The following PAQR9 variants were observed in gnomAD, a reference collection of about 807,000 sequenced individuals.
The protein encoded by PAQR9 is membrane progestin receptor epsilon.
Under a neutral mutation model 24.0 loss-of-function variants are expected in PAQR9, and 12 were observed. The ratio of observed to expected loss-of-function variants is 0.50; its 90% CI spans 0.32 to 0.81. The LOEUF (loss-of-function observed/expected upper bound fraction) is 0.81. Ranked by LOEUF, PAQR9 falls within the 30% of genes least tolerant of loss-of-function variation. The pLI is 0.03. For synonymous variants in PAQR9, 266 were observed against 237.6 expected, an observed-to-expected ratio of 1.12 and a Z score of -1.10; for missense variants, 418 against 520.8, an observed-to-expected ratio of 0.80 and a Z score of 1.92.
rs1934880015 is a variant in PAQR9, at chr3:142,961,009, A to G, written c.*1194T>C. 1 of 152,258 alleles carries G rather than the reference A, an allele frequency of 6.6e-6. No homozygotes were observed. 9.4% of individuals were successfully genotyped at this position (152,258 alleles called of 1,614,324 possible). A position where few individuals can be genotyped will look rare whatever the true frequency, so the allele number is the denominator to read the frequency against. On this transcript the variant is annotated 3_prime_UTR_variant, in exon 1 of 1. Coordinates refer to ENST00000340634, the MANE Select transcript of PAQR9 (RefSeq NM_198504.4). ...AGTCTAGAACTTCTCCCATGGCTGC[A>G]TTAGAAACACATCTACATTAGAGGG...
Position 142,963,211 on chromosome 3 carries a change from C to G in PAQR9, c.126G>C (p.Lys42Asn), listed in dbSNP as rs1243918790. Residue 42 changes from lysine (K) to asparagine (N), a missense_variant, in exon 1 of 1, where the codon AAG becomes AAC. Lys to Asn is a moderately conservative substitution (Grantham distance 94). Transcript: ENST00000340634. ...GCACCTCGTCCCAGCGCAGCAGCGG[C>G]TTGGCAGACGCTGGGGGGTCCCGGG... ...AASRDPPASAKPLLRWDEVPD... is the reference protein window; with the variant it reads ...AASRDPPASANPLLRWDEVPD... 1.9e-6 allele frequency: 3 copies of G among 1,568,336 alleles called. No homozygotes were observed. The highest frequency in any genetic ancestry group is 2.6e-6 in the Non-Finnish European group (3 of 1,157,496).
downstream of PAQR9, chr3:142,951,837 G>A: frequency 4.4e-6 from 2 of 452,600 alleles, no homozygotes; most frequent in South Asian, 1.6e-5. Flanking sequence ...AGTCACACAG[G>A]CCAAAGGAAG....
In PAQR9 at chr3:142,962,352, C is replaced by G; in HGVS notation, c.985G>C (p.Val329Leu). The change falls in exon 1 of 1, where the codon GTA becomes CTA. Residue 329 changes from valine (V) to leucine (L), a missense_variant. Val to Leu is a conservative substitution (Grantham distance 32). Around this residue, in one of 3 missense-constraint regions of PAQR9, gnomAD observed 230 missense variants for 305.2 expected, o/e 0.75. Transcript: ENST00000340634. ...FLSIYDQVYY[V>L]EEGLRQFLQA... is the part of the protein sequence containing the mutation. The stretch of plus-strand genomic sequence containing the variant: ...AGGAACTGGCGCAGGCCCTCTTCTA[C>G]GTAGTACACCTGGTCGTAGATGCTG... 1.9e-6 allele frequency: 3 copies of G among 1,614,098 alleles called. No homozygotes were observed. The highest frequency in any genetic ancestry group is 2.5e-6 in the Non-Finnish European group (3 of 1,180,026).
rs1560158365 is a variant in PAQR9 at position 142,956,565 on chromosome 3, C to T, written c.*5638G>A. 6.6e-6 allele frequency among the ~76,000 whole-genome samples: 1 copy of T among 152,198 alleles called. No homozygotes were observed. ...GCTCAAAGAGCAGGCTGTTTTTCCA[C>T]TGAGCTAAATAGTAAATAAGTGTGC... On this transcript the variant is annotated 3_prime_UTR_variant, in exon 1 of 1. Transcript: ENST00000340634.
Position 142,963,663 on chromosome 3 carries a change from G to T in PAQR9, c.-327C>A. On this transcript the variant is annotated 5_prime_UTR_variant, in exon 1 of 1. Transcript: ENST00000340634. The stretch of plus-strand genomic sequence containing the variant: ...CGCGGCTGACTGCGGCGGCAGCGCG[G>T]CAGCGGTGACTGGGCATCGCGCGGT... 1.6e-6 allele frequency: 1 copy of T among 627,712 alleles called. No homozygotes were observed. The highest frequency in any genetic ancestry group is 2.0e-6 in the Non-Finnish European group (1 of 505,248). 38.9% of individuals were successfully genotyped at this position (627,712 alleles called of 1,614,324 possible).
chr3:142,950,755 A>G (rs1309819016), downstream of PAQR9, among the ~76,000 whole-genome samples: 2 of 152,202 alleles, frequency 1.3e-5, no homozygotes, highest in African/African-American at 4.8e-5. Flanking sequence ...AGTAGGAAGG[A>G]TTATTCCTCA....
chr3:142,959,251 T>C lies in PAQR9; in HGVS notation c.*2952A>G, dbSNP rs1934847594. Among the ~76,000 whole-genome samples the C allele has an allele frequency of 6.6e-6, 1 of 152,218 alleles. No homozygotes were observed. Among genetic ancestry groups the C allele is most frequent in the South Asian group, 2.1e-4 (1 of 4,828 alleles). On this transcript the variant is annotated 3_prime_UTR_variant, in exon 1 of 1. Transcript: ENST00000340634. The stretch of plus-strand genomic sequence containing the variant: ...ATTTTAAAATATATATTGTTCTGAT[T>C]GCCACATTACCTTGAAATGTGTAAT...
Position 142,956,591 on chromosome 3 carries a change from A to C in PAQR9, c.*5612T>G, listed in dbSNP as rs1037908201. On this transcript the variant is annotated 3_prime_UTR_variant, in exon 1 of 1. Transcript: ENST00000340634. ...TGAGCTAAATAGTAAATAAGTGTGC[A>C]TACTGTTGCATATAGGTATATGTTC... Among the ~76,000 whole-genome samples, 1 of 152,226 alleles carries C rather than the reference A, an allele frequency of 6.6e-6. No individual in the cohort carries two copies. The highest frequency in any genetic ancestry group is 1.5e-5 in the Non-Finnish European group (1 of 68,040).
At position 142,960,007 on chromosome 3, in the gene PAQR9, T is replaced by C. The variant is rs938155236; in HGVS notation, c.*2196A>G. Among the ~76,000 whole-genome samples the C allele has an allele frequency of 6.6e-6, 1 of 152,196 alleles. No individual in the cohort carries two copies. The highest frequency in any genetic ancestry group is 1.5e-5 in the Non-Finnish European group (1 of 68,034). On this transcript the variant is annotated 3_prime_UTR_variant, in exon 1 of 1. Transcript: ENST00000340634. The stretch of plus-strand genomic sequence containing the variant: ...GTTGTCCTTGAATGCATCTATTGAA[T>C]TAAGTTACAGCTGAGGAATAACATC...
chr3:142,962,806 C>G lies in PAQR9; in HGVS notation c.531G>C (p.Leu177Phe). 1 of 1,612,396 alleles carries G rather than the reference C, an allele frequency of 6.2e-7. No individual in the cohort carries two copies. Among genetic ancestry groups the G allele is most frequent in the Non-Finnish European group, 8.5e-7 (1 of 1,179,578 alleles). Residue 177 changes from leucine to phenylalanine, a missense_variant, in exon 1 of 1, where the codon TTG becomes TTC. Physicochemically the swap from Leu to Phe is conservative, Grantham distance 22. Around this residue, in one of 3 missense-constraint regions of PAQR9, gnomAD observed 230 missense variants for 305.2 expected, o/e 0.75. Coordinates refer to ENST00000340634, the MANE Select transcript of PAQR9 (RefSeq NM_198504.4). The part of the protein sequence containing the change: ...GSTVAYYYYL[L>F]PGLSLLDARV... ...TGGCATCCAGCAAGCTGAGGCCTGG[C>G]AACAGGTAGTAGTAGTAGGCCACCG...
rs2108239649 is a variant in PAQR9 at position 142,955,865 on chromosome 3, T to G, written c.*6338A>C. ...ACACACCTAAAACCTATCTCATGTG[T>G]TTTCTTCTTTTTTAAAAAATGATTT... On this transcript the variant is annotated 3_prime_UTR_variant, in exon 1 of 1. Coordinates refer to ENST00000340634, the MANE Select transcript of PAQR9 (RefSeq NM_198504.4). 6.6e-6 allele frequency among the ~76,000 whole-genome samples: 1 copy of G among 152,316 alleles called. No individual in the cohort carries two copies. Among genetic ancestry groups the G allele is most frequent in the East Asian group, 1.9e-4 (1 of 5,190 alleles).
rs1934853588 is a variant in PAQR9 at position 142,959,539 on chromosome 3, A to G, written c.*2664T>C. ...GAACAGTGGACGAAGGAAAAGGCAA[A>G]GGGAAGAGGAAAGTGAATCCTCATT... On this transcript the variant is annotated 3_prime_UTR_variant, in exon 1 of 1. Transcript: ENST00000340634. 6.6e-6 allele frequency among the ~76,000 whole-genome samples: 1 copy of G among 152,204 alleles called. No individual in the cohort carries two copies. Among genetic ancestry groups the G allele is most frequent in the Non-Finnish European group, 1.5e-5 (1 of 68,030 alleles).
downstream of PAQR9, among the ~76,000 whole-genome samples, chr3:142,951,996 A>G (rs552638003): frequency 8.3e-4 from 121 of 146,278 alleles, 6 homozygotes; most frequent in Admixed American, 6.8e-4. Context: ...GAGGTACGAA[A>G]ACAAAGGCGG....
At chr3:142,951,509 A>G (rs1469375178), downstream of PAQR9, 1 of 341,098 alleles carries the variant, frequency 2.9e-6, no homozygotes, top group Non-Finnish European at 5.7e-6. Context: ...TTTTCTGCTT[A>G]CCTGATATAT....
At chr3:142,951,158 C>T (rs747980313), downstream of PAQR9, among the ~76,000 whole-genome samples, 74 of 152,190 alleles carry the variant, frequency 4.9e-4, no homozygotes, top group Admixed American at 2.2e-3. Context: ...CTCAAGTGAC[C>T]CGCCTGCTTG....
At chr3:142,963,987 C>T (rs1357209251), upstream of PAQR9, 1 of 648,930 alleles carries the variant, frequency 1.5e-6, no homozygotes. Context: ...CCGACAGCCA[C>T]GCGGGCGTTC....
At position 142,959,397 on chromosome 3, in the gene PAQR9, G is replaced by C. The variant is rs771332071; in HGVS notation, c.*2806C>G. Among the ~76,000 whole-genome samples the C allele has an allele frequency of 6.6e-6, 1 of 152,188 alleles. No homozygotes were observed. The highest frequency in any genetic ancestry group is 1.9e-4 in the East Asian group (1 of 5,194). ...AGTTTAACAAATCATCCCTGGCTTTGACTAGTGTATATGGTACCTATTTGC... is the reference window on the plus strand; with the variant it reads ...AGTTTAACAAATCATCCCTGGCTTTCACTAGTGTATATGGTACCTATTTGC... On this transcript the variant is annotated 3_prime_UTR_variant, in exon 1 of 1. Coordinates refer to ENST00000340634, the MANE Select transcript of PAQR9 (RefSeq NM_198504.4).
chr3:142,963,479 C>G lies in PAQR9; in HGVS notation c.-143G>C. On this transcript the variant is annotated 5_prime_UTR_variant, in exon 1 of 1. Transcript: ENST00000340634. ...CAGGTTTAGGAGAAGACCCGTGCCT[C>G]CGAGCAGCCGCTCCTAAAAATTAAA... 2 of 1,036,788 alleles carry G rather than the reference C, an allele frequency of 1.9e-6. No homozygotes were observed. Among genetic ancestry groups the G allele is most frequent in the Non-Finnish European group, 2.3e-6 (2 of 865,810 alleles). The allele number at this position is 1,036,788 out of a possible 1,614,324, so 64.2% of individuals were successfully genotyped here. A position where few individuals can be genotyped will look rare whatever the true frequency, so the allele number is the denominator to read the frequency against.
chr3:142,962,147 A>G lies in PAQR9; in HGVS notation c.*56T>C, dbSNP rs1044456903. 1.1e-5 allele frequency: 17 copies of G among 1,533,644 alleles called. No individual in the cohort carries two copies. Among genetic ancestry groups the G allele is most frequent in the African/African-American group, 1.4e-5 (1 of 72,588 alleles). On this transcript the variant is annotated 3_prime_UTR_variant, in exon 1 of 1. Transcript: ENST00000340634. ...AATTTGAAAACAAACCAACAATAGCAACAACAGAAACTCCAAACAGATGGG... is the reference window on the plus strand; with the variant it reads ...AATTTGAAAACAAACCAACAATAGCGACAACAGAAACTCCAAACAGATGGG...
Sources: allele counts gnomAD v4.1 joint callset (sites outside exome capture counted in the v4.1 genomes callset), GRCh38; gene constraint gnomAD v4.1.1; regional missense constraint gnomAD v4.1.1; transcripts MANE v1.5; gene names NCBI Gene and HGNC (gene_info 2026-07-23, HGNC 2026-07-21).